The following STIM1 variants were observed in gnomAD, a reference collection of about 807,000 sequenced individuals.
STIM1 encodes the protein stromal interaction molecule 1.
A neutral mutation model predicts 74.7 loss-of-function variants in STIM1; 25 were observed. That is an observed-to-expected ratio of 0.33 (90% CI 0.24 to 0.47). STIM1 has a LOEUF of 0.47. Among genes scored for constraint, STIM1 ranks in the 20% least tolerant of loss-of-function variants. STIM1 has a pLI of 1.00. For missense variants in STIM1, 728 were observed against 920.8 expected (o/e 0.79, Z 2.71); for synonymous variants, 328 against 348.8 (o/e 0.94, Z 0.66).
At chr11:4,020,792 G>A (rs191778786) in intron 2 of STIM1, among the ~76,000 whole-genome samples, 45 of 151,486 alleles carry the variant, frequency 3.0e-4, no homozygotes, top group African/African-American at 9.7e-4. Flanking sequence ...TTGCACAGGC[G>A]GAGTCTCCCT....
intron 3 of STIM1, among the ~76,000 whole-genome samples, chr11:4,051,532 G>A (rs978732593): frequency 3.3e-5 from 5 of 151,584 alleles, no homozygotes; most frequent in Admixed American, 2.6e-4. Flanking sequence ...TAATAGAGAC[G>A]AGGTTTCACC....
At chr11:3,917,106 C>T (rs1027496770) in intron 1 of STIM1, among the ~76,000 whole-genome samples, 12 of 152,102 alleles carry the variant, frequency 7.9e-5, no homozygotes, top group African/African-American at 2.7e-4. Context: ...AGTGACACAC[C>T]CTTATGTACG....
chr11:3,967,903 C>T (rs1258048172), intron 2 of STIM1, among the ~76,000 whole-genome samples: 1 of 152,166 alleles, frequency 6.6e-6, no homozygotes, highest in South Asian at 2.1e-4. Flanking sequence ...GGGCTGGCTG[C>T]CCCCTGCCTA....
chr11:3,896,433 G>A (rs2092178594), intron 1 of STIM1, among the ~76,000 whole-genome samples: 1 of 152,152 alleles, frequency 6.6e-6, no homozygotes, highest in Non-Finnish European at 1.5e-5. Flanking sequence ...TCAGATCTAA[G>A]TCTATTTGAC....
At chr11:3,888,682 C>T (rs1351906517) in intron 1 of STIM1, among the ~76,000 whole-genome samples, 1 of 152,046 alleles carries the variant, frequency 6.6e-6, no homozygotes, top group African/African-American at 2.4e-5. Context: ...TGCACACCAC[C>T]TGGGATTACA....
At chr11:4,002,305 T>G (rs1180436528) in intron 2 of STIM1, among the ~76,000 whole-genome samples, 2 of 152,072 alleles carry the variant, frequency 1.3e-5, no homozygotes, top group African/African-American at 4.8e-5. Context: ...CACCACACCA[T>G]GCCTATTCCA....
chr11:4,039,202 G>A (rs575686825), intron 3 of STIM1, among the ~76,000 whole-genome samples: 1 of 152,224 alleles, frequency 6.6e-6, no homozygotes, highest in East Asian at 1.9e-4. Flanking sequence ...CCCTGTGAGA[G>A]GATCACTTGA....
intron 1 of STIM1, among the ~76,000 whole-genome samples, chr11:3,871,110 G>T (rs2091076352): frequency 6.6e-6 from 1 of 151,734 alleles, no homozygotes; most frequent in Non-Finnish European, 1.5e-5. Flanking sequence ...CTCATGATCT[G>T]CTTGCTTCGG....
chr11:3,949,671 T>C (rs1414062692), intron 1 of STIM1, among the ~76,000 whole-genome samples: 1 of 152,220 alleles, frequency 6.6e-6, no homozygotes, highest in Non-Finnish European at 1.5e-5. Context: ...TGTGAAGGAT[T>C]TTTTAAATTA....
chr11:3,961,784 A>AGT (rs1184213622), intron 1 of STIM1, among the ~76,000 whole-genome samples: 20 of 152,286 alleles, frequency 1.3e-4, no homozygotes, highest in African/African-American at 4.6e-4. Context: ...CTGGGATTAC[A>AGT]GGCGTGAGCC....
chr11:4,067,952 AG>A (rs1461941797), intron 5 of STIM1, among the ~76,000 whole-genome samples: 13 of 152,236 alleles, frequency 8.5e-5, no homozygotes, highest in African/African-American at 3.1e-4. Context: ...CAACCGTGTT[AG>A]AATCATCTTC....
At chr11:3,901,159 C>T (rs367570462) in intron 1 of STIM1, among the ~76,000 whole-genome samples, 10 of 151,880 alleles carry the variant, frequency 6.6e-5, no homozygotes, top group South Asian at 6.2e-4. Context: ...CCAGCCTGGG[C>T]GACAGAGAGA....
intron 1 of STIM1, among the ~76,000 whole-genome samples, chr11:3,941,639 AGTGT>A (rs1491194461): frequency 7.2e-6 from 1 of 138,538 alleles, no homozygotes; most frequent in African/African-American, 2.7e-5. Flanking sequence ...ATAGAGAGAT[AGTGT>A]GTGTGTATAC....
intron 3 of STIM1, among the ~76,000 whole-genome samples, chr11:4,040,132 T>A (rs2094137160): frequency 6.6e-6 from 1 of 152,224 alleles, no homozygotes; most frequent in Non-Finnish European, 1.5e-5. Context: ...CTGTTATTCC[T>A]TATCTACCTC....
chr11:3,888,978 C>A (rs185931535), intron 1 of STIM1, among the ~76,000 whole-genome samples: 154 of 151,714 alleles, frequency 1.0e-3, no homozygotes, highest in Middle Eastern at 3.4e-3. Flanking sequence ...TGCTGCTGTC[C>A]AGAGACTTGA....
chr11:3,982,267 A>G (rs959685372), intron 2 of STIM1, among the ~76,000 whole-genome samples: 7 of 151,322 alleles, frequency 4.6e-5, no homozygotes, highest in African/African-American at 1.5e-4. Flanking sequence ...GGCTCAAGCA[A>G]TCTCTGCCCA....
At chr11:4,091,041 C>T (rs2094521290) in intron 12 of STIM1, among the ~76,000 whole-genome samples, 1 of 151,682 alleles carries the variant, frequency 6.6e-6, no homozygotes, top group African/African-American at 2.4e-5. Flanking sequence ...CCAATCTATC[C>T]TCATTCCCTC....
At chr11:4,028,958 C>T (rs1435545925) in intron 3 of STIM1, among the ~76,000 whole-genome samples, 11 of 151,856 alleles carry the variant, frequency 7.2e-5, no homozygotes, top group Non-Finnish European at 1.6e-4. Flanking sequence ...GAGGCTGAGG[C>T]AGGCAGATCA....
chr11:4,074,955 A>G (rs911138350), intron 7 of STIM1, among the ~76,000 whole-genome samples: 3 of 152,154 alleles, frequency 2.0e-5, no homozygotes, highest in African/African-American at 7.2e-5. Context: ...CCTGGCCAAC[A>G]TGGTGAAAGC....
Sources: allele counts gnomAD v4.1 joint callset (sites outside exome capture counted in the v4.1 genomes callset), GRCh38; gene constraint gnomAD v4.1.1; transcripts MANE v1.5; gene names NCBI Gene and HGNC (gene_info 2026-07-23, HGNC 2026-07-21).